The following NRP2 variants were observed in gnomAD, a reference collection of about 807,000 sequenced individuals.
NRP2 encodes neuropilin 2.
Under a neutral mutation model 110.4 loss-of-function variants are expected in NRP2, and 52 were observed. That is an observed-to-expected ratio of 0.47 (90% CI 0.38 to 0.59). NRP2 has a LOEUF of 0.59. Ranked by LOEUF, NRP2 falls within the 20% of genes least tolerant of loss-of-function variation. The pLI, the probability that NRP2 is intolerant of heterozygous loss-of-function variation, is 0.00. For synonymous variants in NRP2, 508 were observed against 468.9 expected (o/e 1.08, Z -1.08); for missense variants, 1,049 against 1,203.0 (o/e 0.87, Z 1.89).
rs10090 is a variant in NRP2 at position 205,682,821 on chromosome 2, T to C, written c.-470T>C. The C allele has an allele frequency of 0.48, 78,050 of 162,636 alleles. 19,075 individuals are homozygous for C. The highest frequency in any genetic ancestry group is 0.62 in the Middle Eastern group (190 of 308). The allele number at this position is 162,636 out of a possible 1,614,324, so 10.1% of individuals were successfully genotyped here. On this transcript the variant is annotated 5_prime_UTR_variant, in exon 1 of 17. Coordinates refer to ENST00000357785, the MANE Select transcript of NRP2 (RefSeq NM_003872.3). This position sits in a 1 kb window ranked among gnomAD's most constrained non-coding sequence, Gnocchi z 4.3. ...GTCCGGCGGCGGCTGCCTCCGCCCG[T>C]GTGTCCGTCAAGGGTGCCGCGGGAT... is the stretch of plus-strand genomic sequence containing the variant.
chr2:205,763,967 C>G lies in NRP2; in HGVS notation c.2307+31C>G, dbSNP rs572674971. 2 of 1,613,018 alleles carry G rather than the reference C, an allele frequency of 1.2e-6. No homozygotes were observed. The highest frequency in any genetic ancestry group is 1.7e-4 in the Middle Eastern group (1 of 6,056). On this transcript the variant is annotated intron_variant, in intron 13 of 16. Coordinates refer to ENST00000357785, the MANE Select transcript of NRP2 (RefSeq NM_003872.3). This position sits in a 1 kb window ranked among gnomAD's most constrained non-coding sequence, Gnocchi z 4.0. ...GTGAGCAAAAAGGGAATCTTGTGAT[C>G]CGTATTTCAATATTTCAAGGGCCGA... is the stretch of plus-strand genomic sequence containing the variant.
At chr2:205,748,448 T>C (rs919999647) in intron 10 of NRP2, among the ~76,000 whole-genome samples, 1 of 152,232 alleles carries the variant, frequency 6.6e-6, no homozygotes, top group African/African-American at 2.4e-5. Flanking sequence ...AGTGACAAAC[T>C]TGAACTTACA....
At chr2:205,757,040 T>C (rs1180566970) in intron 12 of NRP2, among the ~76,000 whole-genome samples, 2 of 152,218 alleles carry the variant, frequency 1.3e-5, no homozygotes, top group Non-Finnish European at 2.9e-5. Context: ...TTCAGAATCC[T>C]CCAGTGTGTG....
intron 1 of NRP2, among the ~76,000 whole-genome samples, chr2:205,695,408 C>T (rs142988979): frequency 1.4e-4 from 21 of 152,146 alleles, no homozygotes; most frequent in Admixed American, 3.3e-4. Context: ...GGTCTAATTA[C>T]TAAAAGTTTA....
At chr2:205,691,361 A>C (rs748480617) in intron 1 of NRP2, among the ~76,000 whole-genome samples, 6 of 152,318 alleles carry the variant, frequency 3.9e-5, no homozygotes, top group African/African-American at 4.8e-5. Flanking sequence ...GATTTAGAGC[A>C]GGGAAGGGCA....
intron 1 of NRP2, among the ~76,000 whole-genome samples, chr2:205,689,285 C>T (rs2056251782): frequency 6.6e-6 from 1 of 152,216 alleles, no homozygotes. Flanking sequence ...CTCTGTGATC[C>T]CAGTATCCTG....
chr2:205,783,056 G>A lies in NRP2; in HGVS notation c.2426-9179G>A, dbSNP rs574741747. Among the ~76,000 whole-genome samples the A allele has an allele frequency of 9.2e-5, 14 of 152,266 alleles. No homozygotes were observed. The South Asian group carries it at 1.7e-3, about 18-fold the overall frequency. Reference sequence around the variant, plus strand: ...GAGAGCATAGCAGAAACTAGTGGACGTCCTGGCTGTAGAGCCCCTGCCACA... The same window carrying A: ...GAGAGCATAGCAGAAACTAGTGGACATCCTGGCTGTAGAGCCCCTGCCACA... On this transcript the variant is annotated intron_variant, in intron 15 of 16. Transcript: ENST00000357785.
intron 12 of NRP2, among the ~76,000 whole-genome samples, chr2:205,758,660 G>A (rs1480730711): frequency 1.3e-5 from 2 of 152,204 alleles, no homozygotes; most frequent in African/African-American, 2.4e-5. Flanking sequence ...AGGACCCAGC[G>A]AAATGCCTCC....
chr2:205,707,904 A>G (rs849550), intron 2 of NRP2, among the ~76,000 whole-genome samples: 79,669 of 152,040 alleles, frequency 0.52, 24,155 homozygotes, highest in East Asian at 0.82. Context: ...GTGACCACCC[A>G]TGCAGGCAGC....
chr2:205,795,133 T>A lies in NRP2; in HGVS notation c.*75T>A. On this transcript the variant is annotated 3_prime_UTR_variant, in exon 17 of 17. Transcript: ENST00000357785. ...GGGGAAGATTACATTTTTTTTTCCT[T>A]TGGAAACTGAATGCCATAATCTCGA... is the stretch of plus-strand genomic sequence containing the variant. 7.2e-7 allele frequency: 1 copy of A among 1,384,766 alleles called. No individual in the cohort carries two copies. Among genetic ancestry groups the A allele is most frequent in the Non-Finnish European group, 1.0e-6 (1 of 994,154 alleles). The allele number at this position is 1,384,766 out of a possible 1,614,324, so 85.8% of individuals were successfully genotyped here.
chr2:205,711,437 G>C (rs1001260582), intron 2 of NRP2, among the ~76,000 whole-genome samples: 5 of 152,210 alleles, frequency 3.3e-5, no homozygotes, highest in Admixed American at 6.5e-5. Flanking sequence ...GGTGGTGACA[G>C]CAGGCTTCTC....
At chr2:205,733,075 A>G (rs903673352) in intron 7 of NRP2, among the ~76,000 whole-genome samples, 1 of 152,074 alleles carries the variant, frequency 6.6e-6, no homozygotes, top group Non-Finnish European at 1.5e-5. Context: ...GACCCTCTCA[A>G]TTATAATGGA....
At chr2:205,696,447 G>T (rs1223829460) in intron 1 of NRP2, among the ~76,000 whole-genome samples, 4 of 152,184 alleles carry the variant, frequency 2.6e-5, no homozygotes, top group African/African-American at 9.7e-5. Context: ...TCTCCGAGAG[G>T]CTTCTGAATA....
intron 7 of NRP2, among the ~76,000 whole-genome samples, chr2:205,737,695 G>A (rs1327715601): frequency 1.3e-5 from 2 of 152,222 alleles, no homozygotes; most frequent in African/African-American, 4.8e-5. Flanking sequence ...GTAATTTGAA[G>A]CTAAGTTGAA....
At chr2:205,762,659 CG>C (rs2057843551) in intron 12 of NRP2, 1 of 152,202 alleles carries the variant, frequency 6.6e-6, no homozygotes, top group South Asian at 2.1e-4. Flanking sequence ...CAGCCTAAGA[CG>C]CCCCTATGTT....
chr2:205,763,897 C>T lies in NRP2; in HGVS notation c.2268C>T (p.His756=). 2 of 1,614,006 alleles carry T rather than the reference C, an allele frequency of 1.2e-6. No individual in the cohort carries two copies. Among genetic ancestry groups the T allele is most frequent in the Non-Finnish European group, 1.7e-6 (2 of 1,179,930 alleles). ...IREDQGGEWK[H]GRIILPSYDM... The stretch of plus-strand genomic sequence containing the variant: ...AGGACCAGGGCGGCGAGTGGAAGCA[C>T]GGGCGGATCATCCTGCCCAGCTACG... Residue 756 remains histidine, a synonymous_variant, in exon 13 of 17, where the codon CAC becomes CAT. Coordinates refer to ENST00000357785, the MANE Select transcript of NRP2 (RefSeq NM_003872.3). This position sits in a 1 kb window ranked among gnomAD's most constrained non-coding sequence, Gnocchi z 4.0.
intron 1 of NRP2, among the ~76,000 whole-genome samples, chr2:205,689,343 T>A (rs950627695): frequency 3.3e-5 from 5 of 152,198 alleles, no homozygotes; most frequent in Non-Finnish European, 5.9e-5. Context: ...TGTCTGTAAA[T>A]GTGTTTGGTA....
chr2:205,725,866 T>C lies in NRP2; in HGVS notation c.821-47T>C, dbSNP rs201665153. ...AGGCAGCATTTGGGGGATCCCGAGG[T>C]ATGAGGTTGGAAGGCCTAACTGCAT... On this transcript the variant is annotated intron_variant, in intron 5 of 16. Transcript: ENST00000357785. This position sits in a 1 kb window ranked among gnomAD's most constrained non-coding sequence, Gnocchi z 4.1. 6.2e-7 allele frequency: 1 copy of C among 1,606,396 alleles called. No homozygotes were observed. The highest frequency in any genetic ancestry group is 1.3e-5 in the African/African-American group (1 of 74,728).
At chr2:205,745,700 G>C (rs925234064) in intron 9 of NRP2, 46 bp from the exon 10 acceptor site, 3 of 1,612,574 alleles carry the variant, frequency 1.9e-6, no homozygotes, top group Non-Finnish European at 2.5e-6. Flanking sequence ...AGGTGATAGG[G>C]ACTGGGTCCC....
Sources: gnomAD v4.1 joint callset for allele counts (sites outside exome capture counted in the v4.1 genomes callset) on GRCh38, gnomAD v4.1.1 for gene constraint, Gnocchi (gnomAD v3.1) non-coding constraint, MANE v1.5 for transcripts, NCBI Gene and HGNC (gene_info 2026-07-23, HGNC 2026-07-21) for gene names.